Variants in B4GALNT3 observed in about 807,000 individuals in gnomAD.
B4GALNT3 encodes beta-1,4-N-acetyl-galactosaminyltransferase 3.
B4GALNT3 carries 86 observed loss-of-function variants against 120.2 expected under a neutral mutation model. That is an observed-to-expected ratio of 0.72 (90% CI 0.60 to 0.86). The LOEUF is 0.86. Among genes scored for constraint, B4GALNT3 ranks in the 40% least tolerant of loss-of-function variants. B4GALNT3 has a pLI of 0.00. For synonymous variants in B4GALNT3, 518 were observed against 510.4 expected (o/e 1.01, Z -0.20); for missense variants, 1,167 against 1,298.9 (o/e 0.90, Z 1.56).
chr12:466,174 C>A (rs1364299821), intron 1 of B4GALNT3, among the ~76,000 whole-genome samples: 1 of 152,130 alleles, frequency 6.6e-6, no homozygotes, highest in African/African-American at 2.4e-5. Context: ...GTTATAACTG[C>A]TTTGTAGCAC....
rs374075500 is a variant in B4GALNT3 at position 480,759 on chromosome 12, G to A, written c.169+20214G>A. 3.0e-4 allele frequency among the ~76,000 whole-genome samples: 45 copies of A among 152,258 alleles called. No individual in the cohort carries two copies. In the East Asian group the frequency reaches 6.2e-3, roughly 21 times the overall value. On this transcript the variant is annotated intron_variant, in intron 1 of 19. Coordinates refer to ENST00000266383, the MANE Select transcript of B4GALNT3 (RefSeq NM_173593.4). ...TCCATAGGCGGGGGCTGTGAGGAGG[G>A]GTGCAATTGCATGGGTCATGGACGA...
At chr12:484,019 C>T (rs1946266294) in intron 1 of B4GALNT3, among the ~76,000 whole-genome samples, 1 of 152,214 alleles carries the variant, frequency 6.6e-6, no homozygotes, top group Non-Finnish European at 1.5e-5. Flanking sequence ...ACTAACTTTA[C>T]TTGCTGCTCC....
intron 15 of B4GALNT3, 109 bp downstream of exon 15, chr12:556,975 A>AC (rs1947163876): frequency 8.6e-7 from 1 of 1,163,802 alleles, no homozygotes; most frequent in African/African-American, 1.6e-5. Flanking sequence ...TCTGAGAAAG[A>AC]CCACCTTATA....
intron 1 of B4GALNT3, among the ~76,000 whole-genome samples, chr12:530,688 C>G (rs1236949768): frequency 6.6e-6 from 1 of 152,182 alleles, no homozygotes. Context: ...GAAGACAACA[C>G]TTAACAGGGA....
rs1268504874 is a variant in B4GALNT3 at position 551,971 on chromosome 12, G to T, written c.1108-92G>T. 7 of 1,003,330 alleles carry T rather than the reference G, an allele frequency of 7.0e-6. No homozygotes were observed. In the Admixed American group the frequency reaches 8.5e-5, roughly 12 times the overall value. The allele number at this position is 1,003,330 out of a possible 1,614,324, so 62.2% of individuals were successfully genotyped here. A position where few individuals can be genotyped will look rare whatever the true frequency, so the allele number is the denominator to read the frequency against. ...GGGCGGGTCCCTAGCAGCCCTATGT[G>T]ATCCCAGCCAGGGGCAGGCTTAACC... is the stretch of plus-strand genomic sequence containing the variant. On this transcript the variant is annotated intron_variant, in intron 11 of 19. Coordinates refer to ENST00000266383, the MANE Select transcript of B4GALNT3 (RefSeq NM_173593.4).
Position 545,398 on chromosome 12 carries a change from G to A in B4GALNT3, c.568G>A (p.Asp190Asn). 6.2e-7 allele frequency: 1 copy of A among 1,611,996 alleles called. No individual in the cohort carries two copies. Among genetic ancestry groups the A allele is most frequent in the South Asian group, 1.1e-5 (1 of 90,462 alleles). ...AATCCAGTTTGCCATTGCTGCAGAT[G>A]ACAACGCGGAGTTCTGGCTGAGCCT... ...GKIQFAIAAD[D>N]NAEFWLSLDD... The change falls in exon 6 of 20, where the codon GAC (aspartate) becomes AAC (asparagine). Residue 190 changes from aspartate to asparagine, a missense_variant. Coordinates refer to ENST00000266383, the MANE Select transcript of B4GALNT3 (RefSeq NM_173593.4).
chr12:546,209 G>GGGA (rs201657012), intron 6 of B4GALNT3, among the ~76,000 whole-genome samples: 2,554 of 89,678 alleles, frequency 0.028, 87 homozygotes, highest in Non-Finnish European at 0.041. Context: ...TGTGAGAGGA[G>GGGA]GGAGGGGGGT....
intron 1 of B4GALNT3, among the ~76,000 whole-genome samples, chr12:530,152 G>A (rs368029337): frequency 5.9e-5 from 9 of 152,270 alleles, no homozygotes; most frequent in African/African-American, 2.2e-4. Flanking sequence ...ATCCTGCCGT[G>A]TACCTTGTAA....
At chr12:549,091 G>A (rs1474136205) in intron 9 of B4GALNT3, among the ~76,000 whole-genome samples, 1 of 152,128 alleles carries the variant, frequency 6.6e-6, no homozygotes, top group East Asian at 1.9e-4. Flanking sequence ...TCCTCAGTGA[G>A]ACTCCCATCC....
chr12:479,192 T>C (rs2120464236), intron 1 of B4GALNT3, among the ~76,000 whole-genome samples: 1 of 149,166 alleles, frequency 6.7e-6, no homozygotes, highest in East Asian at 2.0e-4. Flanking sequence ...AGGTATTTTG[T>C]TTCATGGCTG....
intron 3 of B4GALNT3, among the ~76,000 whole-genome samples, chr12:539,912 AAAAATAAAAT>A (rs199782905): frequency 6.6e-6 from 1 of 152,168 alleles, no homozygotes; most frequent in African/African-American, 2.4e-5. Flanking sequence ...CCCTGACCTT[AAAAATAAAAT>A]AAAATAAAAT....
chr12:536,751 G>C (rs1946864946), intron 3 of B4GALNT3, among the ~76,000 whole-genome samples: 1 of 152,214 alleles, frequency 6.6e-6, no homozygotes, highest in Non-Finnish European at 1.5e-5. Context: ...CTGTGTGGCA[G>C]GCTTTGTGGA....
At chr12:533,816 A>G (rs923586621) in intron 1 of B4GALNT3, among the ~76,000 whole-genome samples, 1 of 152,154 alleles carries the variant, frequency 6.6e-6, no homozygotes, top group African/African-American at 2.4e-5. Context: ...CTCTCACCCC[A>G]CACCTGCATT....
chr12:526,157 G>A (rs1946757287), intron 1 of B4GALNT3, among the ~76,000 whole-genome samples: 1 of 152,220 alleles, frequency 6.6e-6, no homozygotes, highest in Admixed American at 6.5e-5. Flanking sequence ...GAAGGGTGGA[G>A]CTGAATGTCT....
chr12:551,121 C>T, intron 11 of B4GALNT3, 90 bp downstream of exon 11: 1 of 1,138,028 alleles, frequency 8.8e-7, no homozygotes, highest in Non-Finnish European at 1.3e-6. Context: ...CTGACTTTCC[C>T]ATCTTCCCAA....
rs373352961 is a variant in B4GALNT3 at position 559,273 on chromosome 12, C to T, written c.2762-22C>T. The T allele has an allele frequency of 4.7e-4, 753 of 1,613,556 alleles. 1 individual carries two copies. The highest frequency in any genetic ancestry group is 1.9e-3 in the South Asian group (177 of 91,012). ...CTCCTGGCCTCTGGCTCATCTCACC[C>T]GAAGCTCCTGTCTGTCCACAGGCTA... On this transcript the variant is annotated intron_variant, in intron 18 of 19. Transcript: ENST00000266383.
rs149047077 is a variant in B4GALNT3 at position 557,596 on chromosome 12, C to T, written c.2381-12C>T. The T allele has an allele frequency of 1.2e-6, 2 of 1,603,188 alleles. No homozygotes were observed. Among genetic ancestry groups the T allele is most frequent in the African/African-American group, 1.3e-5 (1 of 74,328 alleles). ...TCTGTGTTTCCTTCTCCTGCCTGAC[C>T]CCCTGGGGTAGTGAAGAACCAGGCA... On this transcript the variant is annotated splice_polypyrimidine_tract_variant and intron_variant, in intron 15 of 19. Coordinates refer to ENST00000266383, the MANE Select transcript of B4GALNT3 (RefSeq NM_173593.4).
At chr12:549,452 C>T (rs554626307) in intron 9 of B4GALNT3, among the ~76,000 whole-genome samples, 10 of 152,314 alleles carry the variant, frequency 6.6e-5, no homozygotes, top group East Asian at 5.8e-4. Context: ...GCTCTGTAAG[C>T]GTTCAATAAA....
chr12:561,387 A>G lies in B4GALNT3; in HGVS notation c.2933A>G (p.Asn978Ser), dbSNP rs1592061826. ...GLDVERLSLR[N>S]FFHHFHSKRG... ...GACGTGGAGCGTCTCTCCCTCAGGA[A>G]TTTCTTCCATCATTTCCATTCCAAG... Residue 978 changes from asparagine to serine, a missense_variant, in exon 20 of 20, where the codon AAT becomes AGT. Asn to Ser is a conservative substitution (Grantham distance 46). Around this residue, in one of 3 missense-constraint regions of B4GALNT3, gnomAD observed 983 missense variants for 1,102.5 expected, o/e 0.89. Transcript: ENST00000266383. The G allele has an allele frequency of 1.2e-6, 2 of 1,614,050 alleles. No individual in the cohort carries two copies. The highest frequency in any genetic ancestry group is 3.3e-5 in the Admixed American group (2 of 60,028).
Sources: allele counts gnomAD v4.1 joint callset (sites outside exome capture counted in the v4.1 genomes callset), GRCh38; gene constraint gnomAD v4.1.1; regional missense constraint gnomAD v4.1.1; transcripts MANE v1.5; gene names NCBI Gene and HGNC (gene_info 2026-07-23, HGNC 2026-07-21).